LY86: variants seen among roughly 807,000 people sequenced by gnomAD.
LY86 encodes the protein lymphocyte antigen 86, also known as MD-1, RP105-associated.
In LY86, 20 loss-of-function variants were observed where a neutral mutation model predicts 17.3. The observed-to-expected ratio is 1.15, with a 90% CI of 0.81 to 1.68. The LOEUF (loss-of-function observed/expected upper bound fraction) is 1.68. LY86 is among the 40% of genes most tolerant of loss of function. The pLI is 0.00. For synonymous variants in LY86, 74 were observed against 70.6 expected (o/e 1.05, Z -0.24); for missense variants, 200 against 191.9 (o/e 1.04, Z -0.25).
chr6:6,644,814 G>A (rs1256113151), intron 3 of LY86, among the ~76,000 whole-genome samples: 2 of 152,166 alleles, frequency 1.3e-5, no homozygotes, highest in Admixed American at 6.5e-5. Flanking sequence ...CCTGGAGTGT[G>A]AGAATGTTAA....
intron 1 of LY86, among the ~76,000 whole-genome samples, chr6:6,601,730 GAAA>G (rs1041379981): frequency 2.0e-5 from 3 of 150,214 alleles, no homozygotes; most frequent in Admixed American, 1.3e-4. Flanking sequence ...GAAAAAAAAA[GAAA>G]AAAAAAGAAA....
At chr6:6,634,686 G>A (rs1226050430) in intron 3 of LY86, among the ~76,000 whole-genome samples, 1 of 152,136 alleles carries the variant, frequency 6.6e-6, no homozygotes, top group Non-Finnish European at 1.5e-5. Context: ...TCATTGCAGA[G>A]CCTTCTCAAT....
intron 1 of LY86, among the ~76,000 whole-genome samples, chr6:6,607,364 G>A (rs943440165): frequency 6.6e-6 from 1 of 151,992 alleles, no homozygotes; most frequent in African/African-American, 2.4e-5. Flanking sequence ...TATATACCAA[G>A]GTTTTAAAAA....
intron 1 of LY86, among the ~76,000 whole-genome samples, chr6:6,607,869 C>T (rs1413199436): frequency 6.6e-6 from 1 of 151,986 alleles, no homozygotes; most frequent in Non-Finnish European, 1.5e-5. Context: ...CACTGCACTC[C>T]AGCTGACAGA....
intron 3 of LY86, among the ~76,000 whole-genome samples, chr6:6,644,949 C>T (rs917542795): frequency 6.6e-6 from 1 of 152,120 alleles, no homozygotes; most frequent in Non-Finnish European, 1.5e-5. Context: ...ACCTCAAGAA[C>T]TTCATGAGCC....
chr6:6,597,374 G>A (rs778207929), intron 1 of LY86, among the ~76,000 whole-genome samples: 15 of 152,300 alleles, frequency 9.8e-5, no homozygotes, highest in Non-Finnish European at 2.1e-4. Flanking sequence ...GGCACAGAAC[G>A]GGAGCAGGGC....
chr6:6,593,507 C>T (rs1352443407), intron 1 of LY86, among the ~76,000 whole-genome samples: 1 of 152,186 alleles, frequency 6.6e-6, no homozygotes, highest in Non-Finnish European at 1.5e-5. Context: ...AATATATTAC[C>T]TACGCAAAGG....
At chr6:6,594,293 G>A (rs570211345) in intron 1 of LY86, among the ~76,000 whole-genome samples, 92 of 152,320 alleles carry the variant, frequency 6.0e-4, no homozygotes, top group African/African-American at 2.2e-3. Context: ...CATATGGCCT[G>A]TGAGCTAGGG....
intron 1 of LY86, among the ~76,000 whole-genome samples, chr6:6,612,366 T>C (rs930317122): frequency 2.7e-4 from 41 of 152,224 alleles, no homozygotes; most frequent in African/African-American, 9.4e-4. Context: ...AGGTGATACA[T>C]TTGGAGTGTT....
At chr6:6,648,776 A>AAAC (rs146430728) in intron 3 of LY86, among the ~76,000 whole-genome samples, 6,669 of 151,764 alleles carry the variant, frequency 0.044, 176 homozygotes, top group South Asian at 0.077. Flanking sequence ...AAAAAAGAAA[A>AAAC]AAACAAGGAA....
At chr6:6,602,039 G>C (rs1760926895) in intron 1 of LY86, among the ~76,000 whole-genome samples, 1 of 152,226 alleles carries the variant, frequency 6.6e-6, no homozygotes, top group Non-Finnish European at 1.5e-5. Context: ...GTTTAGCCAG[G>C]TCATGCCTTT....
At chr6:6,610,520 T>A (rs1375165352) in intron 1 of LY86, among the ~76,000 whole-genome samples, 4 of 149,696 alleles carry the variant, frequency 2.7e-5, no homozygotes, top group Non-Finnish European at 5.9e-5. Context: ...TTCCTCCTTT[T>A]ACAAGTGAAG....
chr6:6,642,783 T>G (rs1156325611), intron 3 of LY86, among the ~76,000 whole-genome samples: 1 of 152,186 alleles, frequency 6.6e-6, no homozygotes, highest in African/African-American at 2.4e-5. Context: ...CAGATCTGGT[T>G]CTCTCGGGAA....
intron 3 of LY86, among the ~76,000 whole-genome samples, chr6:6,628,105 AC>A (rs949653067): frequency 6.0e-4 from 90 of 151,190 alleles, no homozygotes; most frequent in African/African-American, 2.1e-3. Flanking sequence ...CTTACTGGAG[AC>A]ATTTCTGATT....
intron 1 of LY86, among the ~76,000 whole-genome samples, chr6:6,605,340 G>A (rs1351322289): frequency 6.6e-6 from 1 of 152,224 alleles, no homozygotes; most frequent in African/African-American, 2.4e-5. Context: ...CTGGGAAAAG[G>A]TGATGAAGTA....
chr6:6,647,644 C>T (rs1358041563), intron 3 of LY86, among the ~76,000 whole-genome samples: 2 of 152,294 alleles, frequency 1.3e-5, no homozygotes, highest in African/African-American at 4.8e-5. Flanking sequence ...CACCTCCTGG[C>T]TTCCTTGATC....
intron 1 of LY86, among the ~76,000 whole-genome samples, chr6:6,593,897 C>A (rs960509643): frequency 6.6e-6 from 1 of 152,208 alleles, no homozygotes; most frequent in Non-Finnish European, 1.5e-5. Context: ...AGGCAGAATC[C>A]TCCATGAATA....
At chr6:6,616,368 G>A (rs1761554692) in intron 1 of LY86, among the ~76,000 whole-genome samples, 1 of 152,216 alleles carries the variant, frequency 6.6e-6, no homozygotes, top group South Asian at 2.1e-4. Context: ...GTACTGCAGG[G>A]TGAGACCCGC....
intron 1 of LY86, among the ~76,000 whole-genome samples, chr6:6,607,348 C>T (rs137978742): frequency 1.7e-3 from 264 of 152,264 alleles, no homozygotes; most frequent in African/African-American, 6.2e-3. Flanking sequence ...CAAATATATA[C>T]ATACTTATAT....
Sources: allele counts gnomAD v4.1 joint callset (sites outside exome capture counted in the v4.1 genomes callset), GRCh38; gene constraint gnomAD v4.1.1; transcripts MANE v1.5; gene names NCBI Gene and HGNC (gene_info 2026-07-23, HGNC 2026-07-21).